Variants in COL19A1 observed in about 807,000 individuals in gnomAD.
COL19A1 encodes collagen type XIX alpha 1 chain, also known as collagen alpha-1(XIX) chain.
Under a neutral mutation model 190.2 loss-of-function variants are expected in COL19A1, and 159 were observed. That is an observed-to-expected ratio of 0.84 (90% confidence interval 0.73 to 0.95). The LOEUF (loss-of-function observed/expected upper bound fraction) is 0.95. Among genes scored for constraint, COL19A1 ranks in the 40% least tolerant of loss-of-function variants. The probability of loss-of-function intolerance (pLI) is 0.00; values close to 1 mark genes in which losing one functional copy is unlikely to be tolerated. For missense variants in COL19A1, 1,418 were observed against 1,431.9 expected, an observed-to-expected ratio of 0.99 and a Z score of 0.16; for synonymous variants, 509 against 458.9, an observed-to-expected ratio of 1.11 and a Z score of -1.39.
At chr6:70,146,224 A>C (rs1341537546) in intron 25 of COL19A1, among the ~76,000 whole-genome samples, 4 of 152,096 alleles carry the variant, frequency 2.6e-5, no homozygotes, top group Admixed American at 6.6e-5. Context: ...AAACAGAAAA[A>C]CTACCTGAAA....
At chr6:69,961,279 A>G (rs1582534021) in intron 10 of COL19A1, among the ~76,000 whole-genome samples, 1 of 152,340 alleles carries the variant, frequency 6.6e-6, no homozygotes, top group Admixed American at 6.5e-5. Context: ...TAAAGAATTT[A>G]TTTACTTGGC....
intron 9 of COL19A1, among the ~76,000 whole-genome samples, chr6:69,954,704 T>A (rs1388331628): frequency 6.6e-6 from 1 of 152,082 alleles, no homozygotes; most frequent in Non-Finnish European, 1.5e-5. Flanking sequence ...TCAAGTTATA[T>A]TGCTTTCTTT....
chr6:70,053,408 T>G (rs570199009), intron 14 of COL19A1, among the ~76,000 whole-genome samples: 3 of 152,302 alleles, frequency 2.0e-5, no homozygotes, highest in Admixed American at 2.0e-4. Context: ...CACAATCTGA[T>G]TATTTGGAAG....
chr6:69,943,973 G>T (rs1475379549), intron 9 of COL19A1, among the ~76,000 whole-genome samples: 1 of 152,150 alleles, frequency 6.6e-6, no homozygotes, highest in Non-Finnish European at 1.5e-5. Context: ...TCTAACCATG[G>T]GCTATGAGGC....
At chr6:70,103,956 A>T (rs879931871) in intron 16 of COL19A1, among the ~76,000 whole-genome samples, 18 of 152,174 alleles carry the variant, frequency 1.2e-4, no homozygotes, top group African/African-American at 3.6e-4. Flanking sequence ...AAAACCAGGT[A>T]AGTGACCTAA....
intron 15 of COL19A1, among the ~76,000 whole-genome samples, chr6:70,096,494 G>A (rs545795347): frequency 1.3e-5 from 2 of 152,074 alleles, no homozygotes; most frequent in African/African-American, 4.8e-5. Context: ...TTTTACCAGT[G>A]ATCTTTTTAT....
At chr6:70,057,622 A>T (rs1219636728) in intron 14 of COL19A1, among the ~76,000 whole-genome samples, 1 of 152,090 alleles carries the variant, frequency 6.6e-6, no homozygotes, top group Non-Finnish European at 1.5e-5. Context: ...GAAAATAAGT[A>T]CTTAATCCTA....
chr6:69,995,391 T>A (rs770105007), intron 11 of COL19A1, among the ~76,000 whole-genome samples: 9 of 152,004 alleles, frequency 5.9e-5, no homozygotes, highest in African/African-American at 2.4e-5. Flanking sequence ...TAAAAGAGAG[T>A]CTTGAATTTT....
At chr6:69,922,951 A>G (rs1035134451) in intron 4 of COL19A1, among the ~76,000 whole-genome samples, 1 of 152,126 alleles carries the variant, frequency 6.6e-6, no homozygotes, top group Non-Finnish European at 1.5e-5. Context: ...CTTGCTTTCA[A>G]AGAGCTTTCA....
In COL19A1 at chr6:70,121,943, G is replaced by A. The variant is rs202097741; in HGVS notation, c.1341+1G>A. 2 of 1,553,186 alleles carry A rather than the reference G, an allele frequency of 1.3e-6. No individual in the cohort carries two copies. Among genetic ancestry groups the A allele is most frequent in the Admixed American group, 2.0e-5 (1 of 50,830 alleles). ...TGGATATTATAACAAGGATAACAAG[G>A]TATGGCTTCTTTTTTCCCATAATTT... On this transcript the variant is annotated splice_donor_variant, in intron 17 of 50. Transcript: ENST00000620364. LOFTEE classifies it high-confidence loss of function.
intron 15 of COL19A1, among the ~76,000 whole-genome samples, chr6:70,070,964 A>G (rs899954339): frequency 1.3e-5 from 2 of 152,152 alleles, no homozygotes; most frequent in African/African-American, 2.4e-5. Context: ...GGTATTGACT[A>G]TCATTAAGGC....
chr6:70,103,958 G>A (rs527343577), intron 16 of COL19A1, among the ~76,000 whole-genome samples: 86 of 152,084 alleles, frequency 5.7e-4, no homozygotes, highest in Non-Finnish European at 1.1e-3. Context: ...AACCAGGTAA[G>A]TGACCTAAAG....
chr6:70,027,684 T>C (rs1778802693), intron 12 of COL19A1, among the ~76,000 whole-genome samples: 3 of 149,824 alleles, frequency 2.0e-5, no homozygotes, highest in Non-Finnish European at 4.4e-5. Context: ...ATACAAAACA[T>C]ATATTAAAAT....
At chr6:70,154,274 C>T (rs577538311) in intron 31 of COL19A1, among the ~76,000 whole-genome samples, 1 of 152,248 alleles carries the variant, frequency 6.6e-6, no homozygotes, top group South Asian at 2.1e-4. Flanking sequence ...CATGTCCCTG[C>T]AAAGGACATG....
chr6:69,985,185 A>T (rs1485100409), intron 11 of COL19A1, among the ~76,000 whole-genome samples: 1 of 152,202 alleles, frequency 6.6e-6, no homozygotes, highest in Non-Finnish European at 1.5e-5. Context: ...TAAAAATGGC[A>T]TTCAATATGA....
intron 17 of COL19A1, among the ~76,000 whole-genome samples, chr6:70,124,309 A>G (rs183461761): frequency 8.5e-5 from 13 of 152,288 alleles, no homozygotes; most frequent in African/African-American, 2.9e-4. Flanking sequence ...CAAAAACTTA[A>G]AGAACACACT....
intron 4 of COL19A1, among the ~76,000 whole-genome samples, chr6:69,906,638 T>C (rs1056827201): frequency 1.3e-5 from 2 of 152,320 alleles, no homozygotes; most frequent in South Asian, 4.1e-4. Flanking sequence ...TTGAATAATA[T>C]AGCTAGACAC....
intron 15 of COL19A1, among the ~76,000 whole-genome samples, chr6:70,072,527 G>T (rs1305212814): frequency 1.3e-5 from 2 of 152,262 alleles, no homozygotes; most frequent in Middle Eastern, 3.4e-3. Context: ...TAAATTCCCT[G>T]TAACTTACCC....
At chr6:70,163,192 C>T (rs1787915252) in intron 35 of COL19A1, 151 bp from the exon 36 acceptor site, 2 of 683,268 alleles carry the variant, frequency 2.9e-6, no homozygotes, top group Admixed American at 5.4e-5. Context: ...GATACAGCTG[C>T]TGTATCAGCC....
Sources: allele counts gnomAD v4.1 joint callset (sites outside exome capture counted in the v4.1 genomes callset), GRCh38; gene constraint gnomAD v4.1.1; transcripts MANE v1.5; gene names NCBI Gene and HGNC (gene_info 2026-07-23, HGNC 2026-07-21).